PRIMA1: variants seen among roughly 807,000 people sequenced by gnomAD.
PRIMA1 encodes proline rich membrane anchor 1.
A neutral mutation model predicts 17.5 loss-of-function variants in PRIMA1; 7 were observed. The observed-to-expected ratio is 0.40, with a 90% CI of 0.23 to 0.75. The LOEUF (loss-of-function observed/expected upper bound fraction) is 0.75. PRIMA1 is among the 30% of genes least tolerant of loss of function. PRIMA1 has a pLI of 0.37. For synonymous variants in PRIMA1, 97 were observed against 77.9 expected (o/e 1.25, Z -1.29); for missense variants, 200 against 201.8 (o/e 0.99, Z 0.05).
intron 4 of PRIMA1, among the ~76,000 whole-genome samples, chr14:93,724,279 T>C (rs1359877530): frequency 6.6e-6 from 1 of 152,084 alleles, no homozygotes; most frequent in Non-Finnish European, 1.5e-5. Context: ...AAGAAAACTG[T>C]CTCCTTTTGC....
chr14:93,730,018 C>G (rs962585282), intron 4 of PRIMA1, among the ~76,000 whole-genome samples: 31 of 152,262 alleles, frequency 2.0e-4, no homozygotes, highest in African/African-American at 7.0e-4. Context: ...GACGATTTCA[C>G]TCACCCAGAT....
chr14:93,745,229 A>C (rs549263217), intron 3 of PRIMA1, among the ~76,000 whole-genome samples: 16 of 152,172 alleles, frequency 1.1e-4, no homozygotes, highest in Non-Finnish European at 2.1e-4. Flanking sequence ...GTGGATATGC[A>C]TAACGCCTTG....
chr14:93,751,175 T>C (rs998186277), intron 3 of PRIMA1, among the ~76,000 whole-genome samples: 2 of 152,196 alleles, frequency 1.3e-5, no homozygotes, highest in African/African-American at 4.8e-5. Flanking sequence ...GCAGCCCTTC[T>C]TCAGGGTCTG....
intron 3 of PRIMA1, among the ~76,000 whole-genome samples, chr14:93,759,840 G>A (rs1033820792): frequency 1.3e-4 from 20 of 152,182 alleles, no homozygotes; most frequent in African/African-American, 4.6e-4. Context: ...TAGGAAGGAC[G>A]TGGTGTTCAC....
At chr14:93,773,483 G>A (rs1194241295) in intron 3 of PRIMA1, among the ~76,000 whole-genome samples, 1 of 152,244 alleles carries the variant, frequency 6.6e-6, no homozygotes, top group Non-Finnish European at 1.5e-5. Flanking sequence ...CTGGGGATGA[G>A]CTCCAGTGAT....
chr14:93,749,219 T>C (rs1185489885), intron 3 of PRIMA1, among the ~76,000 whole-genome samples: 1 of 152,222 alleles, frequency 6.6e-6, no homozygotes, highest in Admixed American at 6.5e-5. Context: ...AAGGTCCGCA[T>C]ACTTGCCAGC....
intron 3 of PRIMA1, among the ~76,000 whole-genome samples, chr14:93,756,651 T>C (rs1374970023): frequency 2.0e-5 from 3 of 151,988 alleles, no homozygotes; most frequent in Non-Finnish European, 2.9e-5. Context: ...CCCCAGCACG[T>C]CCCCCAGCCC....
chr14:93,784,387 C>T (rs1307719422), intron 2 of PRIMA1, among the ~76,000 whole-genome samples: 1 of 151,994 alleles, frequency 6.6e-6, no homozygotes, highest in Non-Finnish European at 1.5e-5. Flanking sequence ...AGGCTGGTGT[C>T]GAATTCCTGG....
chr14:93,742,608 G>T (rs1178379721), intron 3 of PRIMA1, among the ~76,000 whole-genome samples: 1 of 152,164 alleles, frequency 6.6e-6, no homozygotes, highest in Non-Finnish European at 1.5e-5. Context: ...CAGGGTAGGG[G>T]AGGTGGACGT....
chr14:93,787,605 T>A, intron 2 of PRIMA1, 21 bp downstream of exon 2: 2 of 1,539,364 alleles, frequency 1.3e-6, no homozygotes, highest in Non-Finnish European at 1.7e-6. Context: ...TCCCAGCCAG[T>A]GCGCAGCCGG....
chr14:93,780,996 G>C (rs911187362), intron 2 of PRIMA1, among the ~76,000 whole-genome samples: 1 of 151,096 alleles, frequency 6.6e-6, no homozygotes, highest in African/African-American at 2.5e-5. Flanking sequence ...TCACGTGGCA[G>C]GGAGAGCCCC....
At chr14:93,739,911 C>A (rs1345478832) in intron 3 of PRIMA1, among the ~76,000 whole-genome samples, 1 of 151,944 alleles carries the variant, frequency 6.6e-6, no homozygotes, top group Non-Finnish European at 1.5e-5. Flanking sequence ...ACTAAAAATA[C>A]AAAAATTATC....
intron 4 of PRIMA1, among the ~76,000 whole-genome samples, chr14:93,732,932 G>A (rs2076124469): frequency 6.6e-6 from 1 of 152,210 alleles, no homozygotes; most frequent in Non-Finnish European, 1.5e-5. Flanking sequence ...TGCCCGTCAG[G>A]CCTAGGGGTG....
intron 3 of PRIMA1, among the ~76,000 whole-genome samples, chr14:93,738,488 A>G (rs148768308): frequency 1.2e-4 from 19 of 152,326 alleles, no homozygotes; most frequent in Admixed American, 2.6e-4. Flanking sequence ...ATGGACAGAG[A>G]GACAGTATTA....
rs182116945 is a variant in PRIMA1 at position 93,769,573 on chromosome 14, C to T, written c.229+9603G>A. On this transcript the variant is annotated intron_variant, in intron 3 of 4. Transcript: ENST00000393140. ...AGTCCCTCGTCACAGGCTCACACTG[C>T]GTCCAGCCAAGGGCTAGGGCAGCGG... 2.8e-3 allele frequency among the ~76,000 whole-genome samples: 420 copies of T among 152,324 alleles called. 3 individuals carry two copies. Among genetic ancestry groups the T allele is most frequent in the African/African-American group, 8.8e-3 (366 of 41,566 alleles).
At chr14:93,784,757 G>C (rs1177403881) in intron 2 of PRIMA1, among the ~76,000 whole-genome samples, 1 of 152,124 alleles carries the variant, frequency 6.6e-6, no homozygotes, top group Non-Finnish European at 1.5e-5. Flanking sequence ...AGGCTTCTAT[G>C]ACTCTTGCCC....
In PRIMA1 at chr14:93,738,224, C is replaced by G. The variant is rs145612650; in HGVS notation, c.230-854G>C. 2.8e-3 allele frequency among the ~76,000 whole-genome samples: 421 copies of G among 152,276 alleles called. 2 individuals are homozygous for G. Among genetic ancestry groups the G allele is most frequent in the South Asian group, 0.022 (105 of 4,822 alleles). Reference sequence around the variant, plus strand: ...TCCTTGGGGTGAACCTGTCCTCCCTCCCTTGGCACAGGCTGTCTTGGGGTG... The same window carrying G: ...TCCTTGGGGTGAACCTGTCCTCCCTGCCTTGGCACAGGCTGTCTTGGGGTG... On this transcript the variant is annotated intron_variant, in intron 3 of 4. Coordinates refer to ENST00000393140, the MANE Select transcript of PRIMA1 (RefSeq NM_178013.4).
chr14:93,737,021 T>G (rs1033307867), intron 4 of PRIMA1, among the ~76,000 whole-genome samples: 30 of 152,288 alleles, frequency 2.0e-4, no homozygotes, highest in African/African-American at 7.2e-4. Flanking sequence ...ATGAAAAAGA[T>G]CAAAGGAAAA....
At chr14:93,772,466 C>T (rs991948897) in intron 3 of PRIMA1, among the ~76,000 whole-genome samples, 5 of 152,270 alleles carry the variant, frequency 3.3e-5, no homozygotes, top group Non-Finnish European at 5.9e-5. Flanking sequence ...TGCTTGAGGG[C>T]TGGTACACAT....
Sources: gnomAD v4.1 joint callset for allele counts (sites outside exome capture counted in the v4.1 genomes callset) on GRCh38, gnomAD v4.1.1 for gene constraint, MANE v1.5 for transcripts, NCBI Gene and HGNC (gene_info 2026-07-23, HGNC 2026-07-21) for gene names.